MEGF10: variants seen among roughly 807,000 people sequenced by gnomAD.
The protein encoded by MEGF10 is multiple epidermal growth factor-like domains protein 10.
A neutral mutation model predicts 147.5 loss-of-function variants in MEGF10; 86 were observed. That is an observed-to-expected ratio of 0.58 (90% confidence interval 0.49 to 0.70). The LOEUF is 0.70. MEGF10 is among the 30% of genes least tolerant of loss of function. MEGF10 has a pLI of 0.00. For missense variants in MEGF10, 1,329 were observed against 1,487.3 expected (o/e 0.89, Z 1.75); for synonymous variants, 478 against 525.5 (o/e 0.91, Z 1.24).
chr5:127,420,439 T>A (rs557845950), intron 12 of MEGF10, among the ~76,000 whole-genome samples: 1 of 152,218 alleles, frequency 6.6e-6, no homozygotes, highest in African/African-American at 2.4e-5. Context: ...TTTTCCTTCA[T>A]CTTGTTCAGT....
At chr5:127,327,721 T>C (rs1307042838) in intron 1 of MEGF10, among the ~76,000 whole-genome samples, 2 of 150,258 alleles carry the variant, frequency 1.3e-5, no homozygotes, top group African/African-American at 4.9e-5. Flanking sequence ...TTTCTTTTTT[T>C]TTTTTTTTTT....
intron 19 of MEGF10, among the ~76,000 whole-genome samples, chr5:127,443,384 C>G (rs778908416): frequency 6.6e-6 from 1 of 152,102 alleles, no homozygotes; most frequent in Non-Finnish European, 1.5e-5. Context: ...AGCTTTTGTG[C>G]CAGATTTTTG....
At chr5:127,245,203 A>G in the MEGF10 span, among the ~76,000 whole-genome samples, 1 of 152,204 alleles carries the variant, frequency 6.6e-6, no homozygotes, top group South Asian at 2.1e-4. Flanking sequence ...CTGTCTTCAA[A>G]CTACACTACA....
intron 1 of MEGF10, among the ~76,000 whole-genome samples, chr5:127,322,953 T>C (rs1239112123): frequency 6.6e-6 from 1 of 152,114 alleles, no homozygotes. Context: ...ACAATGTGTG[T>C]ATACACATAC....
intron 1 of MEGF10, among the ~76,000 whole-genome samples, chr5:127,315,282 T>C (rs1484437618): frequency 6.6e-6 from 1 of 152,178 alleles, no homozygotes; most frequent in East Asian, 1.9e-4. Context: ...AGTTTATTTA[T>C]GTATTTATTT....
chr5:127,253,008 C>A, the MEGF10 span, among the ~76,000 whole-genome samples: 1 of 151,836 alleles, frequency 6.6e-6, no homozygotes, highest in Non-Finnish European at 1.5e-5. Flanking sequence ...CACAACACTA[C>A]AATTCATACT....
chr5:127,417,869 A>C, intron 10 of MEGF10, 57 bp downstream of exon 10: 1 of 1,545,190 alleles, frequency 6.5e-7, no homozygotes, highest in South Asian at 1.2e-5. Flanking sequence ...AAGCATCTCA[A>C]TACCATGATT....
chr5:127,340,427 T>C (rs1761635262), intron 3 of MEGF10, 103 bp from the exon 4 acceptor site: 1 of 775,776 alleles, frequency 1.3e-6, no homozygotes, highest in Admixed American at 2.4e-5. Flanking sequence ...GTTAGTATTA[T>C]ATTGGTCTAG....
chr5:127,397,095 G>C (rs149015365), intron 6 of MEGF10, among the ~76,000 whole-genome samples: 358 of 152,288 alleles, frequency 2.4e-3, no homozygotes, highest in Non-Finnish European at 4.4e-3. Flanking sequence ...GGGCATATTT[G>C]GGATTCTGTT....
At position 127,390,829 on chromosome 5, in the gene MEGF10, C is replaced by T. The variant is rs181564802; in HGVS notation, c.413-5703C>T. ...GAGTGAAATATAGTGGTTTAGAACA[C>T]GGACTCTGGAGGCAGGAGGTCTGTG... is the stretch of plus-strand genomic sequence containing the variant. On this transcript the variant is annotated intron_variant, in intron 5 of 24. Transcript: ENST00000503335. 1.5e-4 allele frequency among the ~76,000 whole-genome samples: 23 copies of T among 152,050 alleles called. No individual in the cohort carries two copies. The East Asian group carries it at 3.9e-3, about 26-fold the overall frequency.
At chr5:127,268,657 T>TG in the MEGF10 span, among the ~76,000 whole-genome samples, 1 of 152,206 alleles carries the variant, frequency 6.6e-6, no homozygotes, top group East Asian at 1.9e-4. Flanking sequence ...ACCCCACCTC[T>TG]GGGGGTAGGG....
intron 9 of MEGF10, among the ~76,000 whole-genome samples, chr5:127,414,750 C>T (rs1319155557): frequency 4.6e-5 from 7 of 152,160 alleles, no homozygotes; most frequent in Non-Finnish European, 7.4e-5. Flanking sequence ...TGTGGGCCTA[C>T]CATGTGCCCG....
At chr5:127,249,341 C>G in the MEGF10 span, among the ~76,000 whole-genome samples, 1,595 of 148,494 alleles carry the variant, frequency 0.011, 21 homozygotes, top group African/African-American at 0.034. Flanking sequence ...TACATACACA[C>G]AGAGAGAGAG....
intron 7 of MEGF10, among the ~76,000 whole-genome samples, chr5:127,400,858 TCA>T (rs1169317286): frequency 6.6e-6 from 1 of 152,162 alleles, no homozygotes; most frequent in Admixed American, 6.5e-5. Context: ...CAAAAATGCT[TCA>T]GTTTGTTTTT....
At chr5:127,300,800 G>A (rs941939426) in intron 1 of MEGF10, among the ~76,000 whole-genome samples, 1 of 152,182 alleles carries the variant, frequency 6.6e-6, no homozygotes, top group Non-Finnish European at 1.5e-5. Flanking sequence ...GTGTCAGAAT[G>A]CAATGCATTA....
the MEGF10 span, among the ~76,000 whole-genome samples, chr5:127,253,725 G>A: frequency 6.6e-6 from 1 of 151,862 alleles, no homozygotes. Flanking sequence ...GATATAGCAG[G>A]CCCAGGCAAA....
chr5:127,318,498 C>T (rs756022177), intron 1 of MEGF10, among the ~76,000 whole-genome samples: 2 of 152,174 alleles, frequency 1.3e-5, no homozygotes, highest in Non-Finnish European at 2.9e-5. Context: ...TGGTTGGCAT[C>T]ACTGGCTAAA....
chr5:127,435,503 G>C lies in MEGF10; in HGVS notation c.2104+14G>C, dbSNP rs1765525450. On this transcript the variant is annotated intron_variant, in intron 16 of 24. Transcript: ENST00000503335. ...ACTGCTCTCAACGTAAGTCTTGTTT[G>C]AGAACAATTAATAAACTGTTCTTAT... 1.9e-6 allele frequency: 3 copies of C among 1,608,840 alleles called. No individual in the cohort carries two copies. Among genetic ancestry groups the C allele is most frequent in the African/African-American group, 2.7e-5 (2 of 74,662 alleles).
chr5:127,408,814 TTC>T (rs1375432345), intron 8 of MEGF10, among the ~76,000 whole-genome samples: 1 of 152,170 alleles, frequency 6.6e-6, no homozygotes, highest in Admixed American at 6.5e-5. Flanking sequence ...AAGTGGCTCA[TTC>T]CTATAATCCC....
Sources: gnomAD v4.1 joint callset for allele counts (sites outside exome capture counted in the v4.1 genomes callset) on GRCh38, gnomAD v4.1.1 for gene constraint, MANE v1.5 for transcripts, NCBI Gene and HGNC (gene_info 2026-07-23, HGNC 2026-07-21) for gene names.